CHRM3: variants seen among roughly 807,000 people sequenced by gnomAD.
CHRM3 encodes the protein muscarinic acetylcholine receptor M3.
CHRM3 carries 11 observed loss-of-function variants against 41.8 expected under a neutral mutation model. The ratio of observed to expected loss-of-function variants is 0.26; its 90% confidence interval spans 0.17 to 0.44. The LOEUF (loss-of-function observed/expected upper bound fraction) is 0.44, where lower values mean the gene tolerates loss of function less well. Among genes scored for constraint, CHRM3 ranks in the 20% least tolerant of loss-of-function variants. The pLI, the probability that CHRM3 is intolerant of heterozygous loss-of-function variation, is 1.00. For missense variants in CHRM3, 571 were observed against 745.4 expected (o/e 0.77, Z 2.72); for synonymous variants, 297 against 301.4 (o/e 0.99, Z 0.15).
intron 5 of CHRM3, among the ~76,000 whole-genome samples, chr1:239,813,113 A>G (rs1671244828): frequency 6.6e-6 from 1 of 152,078 alleles, no homozygotes. Flanking sequence ...CCTCATCTCT[A>G]CTAAAAATAC....
intron 5 of CHRM3, among the ~76,000 whole-genome samples, chr1:239,757,503 C>A (rs1666338636): frequency 6.6e-6 from 1 of 151,804 alleles, no homozygotes; most frequent in Non-Finnish European, 1.5e-5. Flanking sequence ...GGTGGCGAGC[C>A]CCTGTAGTCC....
intron 5 of CHRM3, among the ~76,000 whole-genome samples, chr1:239,699,068 G>A (rs770414112): frequency 1.3e-5 from 2 of 151,952 alleles, no homozygotes; most frequent in Non-Finnish European, 2.9e-5. Flanking sequence ...TAACATATTG[G>A]CATTTTTCTT....
chr1:239,864,555 CACACAT>C lies in CHRM3; in HGVS notation c.-20+37179_-20+37184del, dbSNP rs1304834350. 5.6e-3 allele frequency among the ~76,000 whole-genome samples: 805 copies of C among 144,466 alleles called. 6 individuals are homozygous for C. The highest frequency in any genetic ancestry group is 0.022 in the African/African-American group (759 of 34,504). The allele number at this position is 144,466 out of a possible 152,430, so 94.8% of individuals were successfully genotyped here. A position where few individuals can be genotyped will look rare whatever the true frequency, so the allele number is the denominator to read the frequency against. On this transcript the variant is annotated intron_variant, in intron 6 of 6. Coordinates refer to ENST00000676153, the MANE Select transcript of CHRM3 (RefSeq NM_001375978.1). Reference sequence around the variant, plus strand: ...ACACACACACACACACGCACACACACACACATATACATATATACATATATATGTATG... The same window carrying C: ...ACACACACACACACACGCACACACACATACATATATACATATATATGTATG...
intron 5 of CHRM3, among the ~76,000 whole-genome samples, chr1:239,754,651 C>T (rs73122562): frequency 0.033 from 5,045 of 152,172 alleles, 283 homozygotes; most frequent in African/African-American, 0.12. Flanking sequence ...TTCTGAAGGT[C>T]CTGCTTTAGA....
intron 5 of CHRM3, among the ~76,000 whole-genome samples, chr1:239,762,536 T>C (rs1266004657): frequency 6.6e-6 from 1 of 152,234 alleles, no homozygotes; most frequent in Non-Finnish European, 1.5e-5. Context: ...TGTGTGATCA[T>C]TGGGCCTGTG....
At chr1:239,557,833 C>T (rs989557598) in intron 3 of CHRM3, among the ~76,000 whole-genome samples, 3 of 152,154 alleles carry the variant, frequency 2.0e-5, no homozygotes, top group African/African-American at 7.2e-5. Context: ...GTTAGGGCTG[C>T]ATAGTATTCC....
chr1:239,533,399 C>T (rs532502707), intron 2 of CHRM3, among the ~76,000 whole-genome samples: 1 of 152,194 alleles, frequency 6.6e-6, no homozygotes, highest in Admixed American at 6.5e-5. Flanking sequence ...AAGGCACCTT[C>T]TTCACAGGGC....
intron 5 of CHRM3, among the ~76,000 whole-genome samples, chr1:239,787,015 CAA>C (rs1668959422): frequency 6.6e-6 from 1 of 152,094 alleles, no homozygotes; most frequent in Non-Finnish European, 1.5e-5. Flanking sequence ...AGGGGCCAGA[CAA>C]GAGTCAGGAA....
chr1:239,527,524 G>A (rs1670074460), intron 2 of CHRM3, among the ~76,000 whole-genome samples: 1 of 152,148 alleles, frequency 6.6e-6, no homozygotes, highest in South Asian at 2.1e-4. Flanking sequence ...CTTGCCATGT[G>A]CTGTTTCTCA....
intron 1 of CHRM3, among the ~76,000 whole-genome samples, chr1:239,490,259 A>G (rs1218602801): frequency 6.6e-6 from 1 of 152,178 alleles, no homozygotes; most frequent in Non-Finnish European, 1.5e-5. Context: ...TGTCTTATGT[A>G]CATGTGGCAG....
chr1:239,620,686 C>T (rs1668260339), intron 3 of CHRM3, among the ~76,000 whole-genome samples: 1 of 151,820 alleles, frequency 6.6e-6, no homozygotes, highest in African/African-American at 2.4e-5. Context: ...ATATTATATA[C>T]ACACACAAAA....
chr1:239,582,393 G>A (rs115534903), intron 3 of CHRM3, among the ~76,000 whole-genome samples: 5,525 of 151,850 alleles, frequency 0.036, 354 homozygotes, highest in African/African-American at 0.12. Context: ...TTATTTTATC[G>A]CTAACTCAGT....
At chr1:239,730,253 A>G (rs1029690686) in intron 5 of CHRM3, 1 of 152,048 alleles carries the variant, frequency 6.6e-6, no homozygotes, top group African/African-American at 2.4e-5. Flanking sequence ...CTGCTTTGGT[A>G]TACTTAATAA....
At chr1:239,855,005 AT>A (rs1674988349) in intron 6 of CHRM3, among the ~76,000 whole-genome samples, 2 of 152,148 alleles carry the variant, frequency 1.3e-5, no homozygotes, top group South Asian at 4.1e-4. Flanking sequence ...GTTTGCAGTG[AT>A]TTAACAGCCT....
chr1:239,459,456 T>C (rs1405287358), intron 1 of CHRM3, among the ~76,000 whole-genome samples: 1 of 152,176 alleles, frequency 6.6e-6, no homozygotes, highest in Non-Finnish European at 1.5e-5. Context: ...TATTTACATT[T>C]CATTTGCTTT....
chr1:239,608,270 A>G (rs1666584161), intron 3 of CHRM3, among the ~76,000 whole-genome samples: 1 of 152,196 alleles, frequency 6.6e-6, no homozygotes, highest in Non-Finnish European at 1.5e-5. Flanking sequence ...GCGCCATGGT[A>G]GGTGTAGGAT....
rs140028783 is a variant in CHRM3, at chr1:239,518,697, G to C, written c.-422+25890G>C. ...TCATGATAGGAAAATCTATACATCAGTATTTATTAAGGGAAAGTTTGTGGG... is the reference window on the plus strand; with the variant it reads ...TCATGATAGGAAAATCTATACATCACTATTTATTAAGGGAAAGTTTGTGGG... On this transcript the variant is annotated intron_variant, in intron 2 of 6. Coordinates refer to ENST00000676153, the MANE Select transcript of CHRM3 (RefSeq NM_001375978.1). Among the ~76,000 whole-genome samples the C allele has an allele frequency of 3.8e-3, 576 of 152,260 alleles. 8 individuals carry two copies. Among genetic ancestry groups the C allele is most frequent in the African/African-American group, 0.013 (538 of 41,544 alleles).
At chr1:239,553,568 T>C (rs887915745) in intron 3 of CHRM3, among the ~76,000 whole-genome samples, 1 of 152,168 alleles carries the variant, frequency 6.6e-6, no homozygotes, top group Admixed American at 6.5e-5. Context: ...TTGATGTAAA[T>C]GCCGTGAAAT....
At chr1:239,452,901 C>G (rs1011237360) in intron 1 of CHRM3, among the ~76,000 whole-genome samples, 1 of 152,008 alleles carries the variant, frequency 6.6e-6, no homozygotes, top group Non-Finnish European at 1.5e-5. Flanking sequence ...CCCGGGTTCA[C>G]GCCATTCTCC....
Sources: allele counts gnomAD v4.1 joint callset (sites outside exome capture counted in the v4.1 genomes callset), GRCh38; gene constraint gnomAD v4.1.1; transcripts MANE v1.5; gene names NCBI Gene and HGNC (gene_info 2026-07-23, HGNC 2026-07-21).